The following SFXN5 variants were observed in gnomAD, a reference collection of about 807,000 sequenced individuals.
The protein encoded by SFXN5 is sideroflexin 5, also known as sideroflexin-5.
Under a neutral mutation model 50.2 loss-of-function variants are expected in SFXN5, and 43 were observed. That is an observed-to-expected ratio of 0.86 (90% CI 0.67 to 1.11). The LOEUF is 1.11. Ranked by LOEUF, SFXN5 falls within the 50% of genes least tolerant of loss-of-function variation. The probability of loss-of-function intolerance (pLI) is 0.00; values close to 1 mark genes in which losing one functional copy is unlikely to be tolerated. For missense variants in SFXN5, 463 were observed against 454.1 expected, an observed-to-expected ratio of 1.02 and a Z score of -0.18; for synonymous variants, 203 against 185.8, an observed-to-expected ratio of 1.09 and a Z score of -0.75.
At chr2:73,059,542 G>A (rs1363643168) in intron 1 of SFXN5, 1 of 984,942 alleles carries the variant, frequency 1.0e-6, no homozygotes, top group Non-Finnish European at 1.2e-6. Flanking sequence ...TCCCAATAAG[G>A]ACCCTGCAAT....
intron 12 of SFXN5, 45 bp downstream of exon 12, chr2:72,968,403 C>A: frequency 6.3e-7 from 1 of 1,578,058 alleles, no homozygotes; most frequent in Non-Finnish European, 8.7e-7. Flanking sequence ...CCCTCTCCCC[C>A]TCCTCCCCCA....
chr2:73,047,319 GTA>G (rs199609733), intron 2 of SFXN5, among the ~76,000 whole-genome samples: 2 of 99,070 alleles, frequency 2.0e-5, no homozygotes, highest in Admixed American at 1.4e-4. Context: ...GTGTGTGTAT[GTA>G]TATATATGTG....
At chr2:73,004,315 G>A (rs62147725) in intron 6 of SFXN5, among the ~76,000 whole-genome samples, 11,842 of 115,680 alleles carry the variant, frequency 0.1, 1,230 homozygotes, top group African/African-American at 0.25. Flanking sequence ...GAGTGCGCGC[G>A]CACACACACA....
intron 3 of SFXN5, among the ~76,000 whole-genome samples, chr2:73,023,784 A>G (rs1307294034): frequency 2.0e-5 from 3 of 152,174 alleles, no homozygotes; most frequent in Non-Finnish European, 2.9e-5. Context: ...GCATGTGCTT[A>G]TAAGTGCTTA....
In SFXN5 at chr2:72,945,866, C is replaced by T. The variant is rs1281154174; in HGVS notation, c.946-767G>A. Among the ~76,000 whole-genome samples, 3 of 151,934 alleles carry T rather than the reference C, an allele frequency of 2.0e-5. No homozygotes were observed. The highest frequency in any genetic ancestry group is 2.9e-5 in the Non-Finnish European group (2 of 67,990). ...GCCCCCATAGCCAGGTCAGCTCCCT[C>T]GCCCACTCTCCAGAGGCCACTGGAT... On this transcript the variant is annotated intron_variant, in intron 13 of 13. Transcript: ENST00000272433. The surrounding 1 kb of genome is among the most constrained non-coding windows in gnomAD (Gnocchi z 5.8).
intron 10 of SFXN5, among the ~76,000 whole-genome samples, chr2:72,975,417 G>A (rs1230685942): frequency 1.3e-5 from 2 of 152,122 alleles, no homozygotes; most frequent in East Asian, 3.9e-4. Context: ...CATCTGTCAG[G>A]GAAATTAATT....
chr2:73,001,085 G>A (rs965290777), intron 7 of SFXN5, among the ~76,000 whole-genome samples: 3 of 152,240 alleles, frequency 2.0e-5, no homozygotes, highest in African/African-American at 7.2e-5. Flanking sequence ...CAAGAGCAGG[G>A]ACCAGGGTCT....
At chr2:72,984,645 A>G (rs1245914940) in intron 10 of SFXN5, among the ~76,000 whole-genome samples, 1 of 152,154 alleles carries the variant, frequency 6.6e-6, no homozygotes, top group Non-Finnish European at 1.5e-5. Flanking sequence ...AGGAGAACCG[A>G]GGGAGGAGAG....
chr2:73,040,744 G>C (rs1679513890), intron 3 of SFXN5, 110 bp downstream of exon 3: 3 of 791,192 alleles, frequency 3.8e-6, no homozygotes. Context: ...TGTACCAGCA[G>C]AAGTATATGC....
Position 72,964,841 on chromosome 2 carries a change from G to C in SFXN5, c.828-3593C>G, listed in dbSNP as rs930712929. 4.1e-4 allele frequency among the ~76,000 whole-genome samples: 62 copies of C among 152,306 alleles called. 1 individual carries two copies. The Middle Eastern group carries it at 0.014, about 33-fold the overall frequency. Reference sequence around the variant, plus strand: ...GGCTCCTTTGGAGCCTGAGATGTGAGAGTATGTGGCACCCAGACACTAGGC... The same window carrying C: ...GGCTCCTTTGGAGCCTGAGATGTGACAGTATGTGGCACCCAGACACTAGGC... On this transcript the variant is annotated intron_variant, in intron 12 of 13. Transcript: ENST00000272433.
chr2:72,961,264 G>T lies in SFXN5; in HGVS notation c.828-16C>A. 3.3e-6 allele frequency: 5 copies of T among 1,500,004 alleles called. No homozygotes were observed. The highest frequency in any genetic ancestry group is 4.4e-6 in the Non-Finnish European group (5 of 1,132,042). The allele number at this position is 1,500,004 out of a possible 1,614,324, so 92.9% of individuals were successfully genotyped here. On this transcript the variant is annotated splice_polypyrimidine_tract_variant and intron_variant, in intron 12 of 13. Transcript: ENST00000272433. The surrounding 1 kb of genome is among the most constrained non-coding windows in gnomAD (Gnocchi z 4.4). Reference sequence around the variant, plus strand: ...GAGAGCCGTCCTGTGAGGGAGAGAGGAGGGAGCCCCATGAGACCCGAAGGT... The same window carrying T: ...GAGAGCCGTCCTGTGAGGGAGAGAGTAGGGAGCCCCATGAGACCCGAAGGT...
chr2:73,055,998 CG>C (rs1250295415), intron 2 of SFXN5, among the ~76,000 whole-genome samples: 1 of 152,108 alleles, frequency 6.6e-6, no homozygotes, highest in Non-Finnish European at 1.5e-5. Context: ...ATTAGCCACG[CG>C]TGATGGTGCA....
At position 73,000,495 on chromosome 2, in the gene SFXN5, G is replaced by A; in HGVS notation, c.412-8C>T. The A allele has an allele frequency of 1.9e-6, 3 of 1,557,106 alleles. No individual in the cohort carries two copies. Among genetic ancestry groups the A allele is most frequent in the African/African-American group, 1.4e-5 (1 of 73,760 alleles). On this transcript the variant is annotated splice_region_variant and splice_polypyrimidine_tract_variant and intron_variant, in intron 7 of 13. Coordinates refer to ENST00000272433, the MANE Select transcript of SFXN5 (RefSeq NM_144579.3). The stretch of plus-strand genomic sequence containing the variant: ...GTGGCTCTGGTTCAGCCACTGAAAG[G>A]CAATGATGAGAGAAGTCAGGGAAGG...
At chr2:73,058,873 T>C in intron 1 of SFXN5, 1 of 460,366 alleles carries the variant, frequency 2.2e-6, no homozygotes, top group Non-Finnish European at 3.8e-6. Flanking sequence ...CCCAGTGCCC[T>C]GAGATCTATT....
intron 3 of SFXN5, among the ~76,000 whole-genome samples, chr2:73,025,489 C>A (rs1245353884): frequency 6.6e-6 from 1 of 152,212 alleles, no homozygotes; most frequent in African/African-American, 2.4e-5. Context: ...CTTAAGTTGA[C>A]TTCTGGTAAG....
chr2:72,958,559 A>G (rs1333284628), intron 13 of SFXN5, among the ~76,000 whole-genome samples: 1 of 152,174 alleles, frequency 6.6e-6, no homozygotes, highest in East Asian at 1.9e-4. Context: ...GACAGCTACT[A>G]GAAGCACAGA....
rs1672135090 is a variant in SFXN5, at chr2:72,988,180, G to C, written c.625+78C>G. On this transcript the variant is annotated intron_variant, in intron 10 of 13. Coordinates refer to ENST00000272433, the MANE Select transcript of SFXN5 (RefSeq NM_144579.3). ...CTGGGCATCAGGAGAGGTGTGGAAGGGTCATCTGTCTCCCTGGGAGCCCAG... is the reference window on the plus strand; with the variant it reads ...CTGGGCATCAGGAGAGGTGTGGAAGCGTCATCTGTCTCCCTGGGAGCCCAG... 3.3e-5 allele frequency: 44 copies of C among 1,338,786 alleles called. No individual in the cohort carries two copies. In the South Asian group the frequency reaches 5.1e-4, roughly 15 times the overall value. The allele number at this position is 1,338,786 out of a possible 1,614,324, so 82.9% of individuals were successfully genotyped here.
intron 13 of SFXN5, chr2:72,957,014 C>A: frequency 2.2e-6 from 1 of 456,762 alleles, no homozygotes; most frequent in South Asian, 1.5e-5. Flanking sequence ...TTTGAATCGC[C>A]CAAGTCCTCA....
chr2:72,997,624 C>T (rs1175029043), intron 9 of SFXN5: 1 of 151,568 alleles, frequency 6.6e-6, no homozygotes, highest in African/African-American at 2.4e-5. Flanking sequence ...GAGTCTCACT[C>T]TGTCGCCCAG....
Sources: allele counts gnomAD v4.1 joint callset (sites outside exome capture counted in the v4.1 genomes callset), GRCh38; gene constraint gnomAD v4.1.1; non-coding constraint Gnocchi (gnomAD v3.1); transcripts MANE v1.5; gene names NCBI Gene and HGNC (gene_info 2026-07-23, HGNC 2026-07-21).